Variants in ZFP1 observed in about 807,000 individuals in gnomAD.
ZFP1 encodes the protein zinc finger protein 1 homolog.
A neutral mutation model predicts 38.5 loss-of-function variants in ZFP1; 32 were observed. The observed-to-expected ratio is 0.83, with a 90% confidence interval of 0.63 to 1.12. The LOEUF (loss-of-function observed/expected upper bound fraction) is 1.12, where lower values mean the gene tolerates loss of function less well. ZFP1 is among the 50% of genes most tolerant of loss of function. The pLI is 0.00. For synonymous variants in ZFP1, 245 were observed against 168.8 expected (o/e 1.45, Z -3.50); for missense variants, 616 against 480.8 (o/e 1.28, Z -2.63).
At chr16:75,144,853 CAG>C (rs1169965789), upstream of ZFP1, among the ~76,000 whole-genome samples, 2 of 151,970 alleles carry the variant, frequency 1.3e-5, no homozygotes, top group African/African-American at 2.4e-5. Flanking sequence ...TTTTAAGAAA[CAG>C]AGTCTCATTC....
the ZFP1 span, among the ~76,000 whole-genome samples, chr16:75,125,130 G>C: frequency 2.0e-5 from 3 of 151,736 alleles, no homozygotes; most frequent in Admixed American, 6.6e-5. Flanking sequence ...ATGGTGGCAC[G>C]CACCTGTAAT....
chr16:75,138,411 A>C, the ZFP1 span, among the ~76,000 whole-genome samples: 2 of 152,208 alleles, frequency 1.3e-5, no homozygotes, highest in African/African-American at 4.8e-5. Flanking sequence ...GACAAACAAA[A>C]GGAGTAACTT....
At chr16:75,150,382 T>A (rs796923237) in intron 1 of ZFP1, among the ~76,000 whole-genome samples, 100 of 43,222 alleles carry the variant, frequency 2.3e-3, no homozygotes, top group Non-Finnish European at 5.0e-3. Flanking sequence ...CTAATTTTTT[T>A]ATTTTTTTTT....
chr16:75,162,829 A>T (rs2037854450), intron 2 of ZFP1, among the ~76,000 whole-genome samples: 1 of 152,174 alleles, frequency 6.6e-6, no homozygotes, highest in African/African-American at 2.4e-5. Context: ...GTTGCTGCAA[A>T]GGATATGATT....
chr16:75,167,804 T>C (rs2038179548), intron 3 of ZFP1, among the ~76,000 whole-genome samples: 1 of 152,074 alleles, frequency 6.6e-6, no homozygotes, highest in South Asian at 2.1e-4. Context: ...TCTGTAGAAC[T>C]CCTGACCCCA....
At chr16:75,161,772 A>ATTTTTT (rs1344293752) in intron 2 of ZFP1, among the ~76,000 whole-genome samples, 4 of 7,236 alleles carry the variant, frequency 5.5e-4, no homozygotes, top group African/African-American at 7.5e-4. Flanking sequence ...ATATATATAT[A>ATTTTTT]TATTTTTTTT....
chr16:75,167,950 G>A lies in ZFP1; in HGVS notation c.142+1054G>A, dbSNP rs554345314. ...CTCTACTAAAAATACAAAATAAGCC[G>A]GGCATGGTGGCATGTGCCTGTAATC... On this transcript the variant is annotated intron_variant, in intron 3 of 3. Coordinates refer to ENST00000570010, the MANE Select transcript of ZFP1 (RefSeq NM_153688.4). 7.9e-5 allele frequency among the ~76,000 whole-genome samples: 12 copies of A among 152,206 alleles called. No individual in the cohort carries two copies. In the East Asian group the frequency reaches 9.6e-4, roughly 12 times the overall value.
At chr16:75,169,115 G>A in intron 3 of ZFP1, 138 bp from the exon 4 acceptor site, 2 of 1,175,050 alleles carry the variant, frequency 1.7e-6, no homozygotes, top group Non-Finnish European at 1.1e-6. Flanking sequence ...TTTGCACTGG[G>A]AATTTTTTAA....
chr16:75,141,362 C>T, the ZFP1 span, among the ~76,000 whole-genome samples: 7 of 151,860 alleles, frequency 4.6e-5, no homozygotes, highest in Non-Finnish European at 8.8e-5. Context: ...ACCACCACAC[C>T]TGGCTAATTT....
At chr16:75,139,824 A>G in the ZFP1 span, among the ~76,000 whole-genome samples, 1 of 152,180 alleles carries the variant, frequency 6.6e-6, no homozygotes, top group Non-Finnish European at 1.5e-5. Flanking sequence ...TCATGGGTAG[A>G]GTTTCAGTTT....
chr16:75,161,540 T>C (rs965473074), intron 2 of ZFP1, among the ~76,000 whole-genome samples: 11 of 151,280 alleles, frequency 7.3e-5, no homozygotes, highest in Non-Finnish European at 1.5e-4. Context: ...TTTGCCTGTC[T>C]GATAATTTTG....
the ZFP1 span, among the ~76,000 whole-genome samples, chr16:75,124,511 T>C: frequency 7.0e-6 from 1 of 142,614 alleles, no homozygotes; most frequent in East Asian, 2.6e-4. Flanking sequence ...GGGCCGGGCA[T>C]GGTGGCTCAC....
At chr16:75,161,244 T>A (rs911363418) in intron 2 of ZFP1, among the ~76,000 whole-genome samples, 35 of 151,932 alleles carry the variant, frequency 2.3e-4, no homozygotes, top group Admixed American at 8.5e-4. Context: ...AATTTTTGTA[T>A]TTTTAGTAGA....
At chr16:75,133,431 C>T in the ZFP1 span, among the ~76,000 whole-genome samples, 60 of 152,280 alleles carry the variant, frequency 3.9e-4, no homozygotes, top group South Asian at 7.5e-3. Flanking sequence ...CCACCCTCCA[C>T]CGTCAGATAG....
chr16:75,156,464 G>T (rs147814607), intron 2 of ZFP1, among the ~76,000 whole-genome samples: 1 of 9,628 alleles, frequency 1.0e-4, no homozygotes, highest in Admixed American at 1.3e-3. Flanking sequence ...CTCAGAAAAA[G>T]AAAAGAAAAG....
At chr16:75,152,537 C>G (rs1164817987) in intron 1 of ZFP1, among the ~76,000 whole-genome samples, 1 of 152,168 alleles carries the variant, frequency 6.6e-6, no homozygotes, top group Admixed American at 6.5e-5. Context: ...CTTGCAGTTT[C>G]CATCTCTGCT....
rs774787075 is a variant in ZFP1, at chr16:75,169,825, C to G, written c.715C>G (p.Pro239Ala). 26 of 1,614,118 alleles carry G rather than the reference C, an allele frequency of 1.6e-5. No homozygotes were observed. The highest frequency in any genetic ancestry group is 2.2e-5 in the Non-Finnish European group (26 of 1,179,994). ...TCAGAGAATTCACACTGGGGAGAAACCTTTCGAGTGTCCGGAATGTGGAAA... is the reference window on the plus strand; with the variant it reads ...TCAGAGAATTCACACTGGGGAGAAAGCTTTCGAGTGTCCGGAATGTGGAAA... ...KHQRIHTGEKPFECPECGKAF... is the reference protein window; with the variant it reads ...KHQRIHTGEKAFECPECGKAF... The change falls in exon 4 of 4, where the codon CCT (proline) becomes GCT (alanine). Residue 239 changes from proline (P) to alanine (A), a missense_variant. By Grantham distance (27) the Pro-to-Ala change is conservative (BLOSUM62 -1). Transcript: ENST00000570010.
the ZFP1 span, among the ~76,000 whole-genome samples, chr16:75,123,329 G>C: frequency 6.7e-6 from 1 of 150,262 alleles, no homozygotes. Flanking sequence ...ACTCCAGCCT[G>C]GGCGACACAG....
chr16:75,134,450 C>T, the ZFP1 span, among the ~76,000 whole-genome samples: 23 of 152,040 alleles, frequency 1.5e-4, no homozygotes, highest in South Asian at 4.8e-3. Context: ...CCCCAAAAAA[C>T]ATTTTTAAAA....
Sources: gnomAD v4.1 joint callset for allele counts (sites outside exome capture counted in the v4.1 genomes callset) on GRCh38, gnomAD v4.1.1 for gene constraint, MANE v1.5 for transcripts, NCBI Gene and HGNC (gene_info 2026-07-23, HGNC 2026-07-21) for gene names.